Variants in SEMA5A observed in about 807,000 individuals in gnomAD.
The protein encoded by SEMA5A is semaphorin 5A, also known as semaphorin-5A.
Under a neutral mutation model 135.5 loss-of-function variants are expected in SEMA5A, and 55 were observed. That is an observed-to-expected ratio of 0.41 (90% CI 0.33 to 0.51). The LOEUF is 0.51. SEMA5A is among the 20% of genes least tolerant of loss of function. SEMA5A has a pLI of 0.37. For missense variants in SEMA5A, 1,290 were observed against 1,419.9 expected (o/e 0.91, Z 1.47); for synonymous variants, 580 against 546.5 (o/e 1.06, Z -0.85).
chr5:9,289,448 G>A (rs750039007), intron 5 of SEMA5A, among the ~76,000 whole-genome samples: 11 of 151,980 alleles, frequency 7.2e-5, no homozygotes, highest in South Asian at 2.1e-4. Context: ...GGCAGATCGC[G>A]AGGTCAGGAG....
chr5:9,102,238 A>G (rs1305026851), intron 16 of SEMA5A, among the ~76,000 whole-genome samples: 1 of 152,218 alleles, frequency 6.6e-6, no homozygotes, highest in East Asian at 1.9e-4. Flanking sequence ...TTATGATGAA[A>G]GGAAGTGCCA....
chr5:9,166,323 A>G (rs1743606093), intron 11 of SEMA5A, among the ~76,000 whole-genome samples: 1 of 151,992 alleles, frequency 6.6e-6, no homozygotes, highest in Non-Finnish European at 1.5e-5. Context: ...GCCCAGGTTA[A>G]ACTCCAGGCT....
intron 1 of SEMA5A, among the ~76,000 whole-genome samples, chr5:9,448,865 C>T (rs528090139): frequency 6.6e-6 from 1 of 152,322 alleles, no homozygotes; most frequent in South Asian, 2.1e-4. Context: ...GTTTACTTCT[C>T]TGTCTCCTGG....
intron 2 of SEMA5A, among the ~76,000 whole-genome samples, chr5:9,423,392 C>A (rs970065787): frequency 6.6e-6 from 1 of 152,172 alleles, no homozygotes; most frequent in Non-Finnish European, 1.5e-5. Flanking sequence ...TTGACAAGTT[C>A]TTGATCATTG....
intron 3 of SEMA5A, among the ~76,000 whole-genome samples, chr5:9,358,361 G>C (rs1358133572): frequency 6.6e-6 from 1 of 152,170 alleles, no homozygotes; most frequent in African/African-American, 2.4e-5. Context: ...GAGCTCCCTT[G>C]ACTTCCCTTT....
chr5:9,223,934 G>A (rs1201279428), intron 8 of SEMA5A, among the ~76,000 whole-genome samples: 1 of 152,146 alleles, frequency 6.6e-6, no homozygotes, highest in Non-Finnish European at 1.5e-5. Context: ...ACTGAAAGAA[G>A]CCTTCTAAGG....
intron 18 of SEMA5A, among the ~76,000 whole-genome samples, chr5:9,055,223 C>G (rs541319203): frequency 7.8e-4 from 119 of 152,302 alleles, no homozygotes; most frequent in Middle Eastern, 3.4e-3. Context: ...GTTTAGCTAA[C>G]TCCTGACTGT....
intron 8 of SEMA5A, among the ~76,000 whole-genome samples, chr5:9,221,519 G>A (rs56190011): frequency 4.7e-4 from 71 of 151,942 alleles, no homozygotes; most frequent in Admixed American, 9.8e-4. Context: ...AGCCAGGATG[G>A]TCTCGATCTC....
chr5:9,479,355 G>T (rs960080111), intron 1 of SEMA5A, among the ~76,000 whole-genome samples: 1 of 151,162 alleles, frequency 6.6e-6, no homozygotes, highest in African/African-American at 2.4e-5. Flanking sequence ...TGGCACTTCA[G>T]CCTGGGTAAC....
At chr5:9,129,323 T>C (rs1373717341) in intron 13 of SEMA5A, among the ~76,000 whole-genome samples, 1 of 152,278 alleles carries the variant, frequency 6.6e-6, no homozygotes, top group Non-Finnish European at 1.5e-5. Flanking sequence ...AGATTCAGTT[T>C]CTGGCCATGG....
At chr5:9,452,701 A>T (rs193225238) in intron 1 of SEMA5A, among the ~76,000 whole-genome samples, 85 of 152,332 alleles carry the variant, frequency 5.6e-4, no homozygotes, top group Admixed American at 2.0e-3. Flanking sequence ...ACTGAGATGC[A>T]GGTCTAAATT....
rs746290591 is a variant in SEMA5A at position 9,042,894 on chromosome 5, C to CTGTT, written c.3224_*2dup. 1.2e-6 allele frequency: 2 copies of CTGTT among 1,613,786 alleles called. No homozygotes were observed. Among genetic ancestry groups the CTGTT allele is most frequent in the African/African-American group, 1.3e-5 (1 of 74,894 alleles). ...TTACAAGAAGCCAAAAACATGAAAG[C>CTGTT]TGTTAGTACTCATCATAATTATTGA... On this transcript the variant is annotated 3_prime_UTR_variant, in exon 23 of 23. Coordinates refer to ENST00000382496, the MANE Select transcript of SEMA5A (RefSeq NM_003966.3).
chr5:9,539,727 C>A lies in SEMA5A; in HGVS notation c.-175+5857G>T, dbSNP rs74632925. On this transcript the variant is annotated intron_variant, in intron 1 of 22. Transcript: ENST00000382496. ...GGTCATGTCGGTGCTCAGAAAGTTT[C>A]AGATTTTGAAGCATTGTGGAATTGG... Among the ~76,000 whole-genome samples the A allele has an allele frequency of 9.7e-3, 1,478 of 152,222 alleles. 20 individuals are homozygous for A. The highest frequency in any genetic ancestry group is 0.033 in the African/African-American group (1,365 of 41,522).
chr5:9,112,750 G>A (rs142565841), intron 15 of SEMA5A, among the ~76,000 whole-genome samples: 20 of 152,216 alleles, frequency 1.3e-4, no homozygotes, highest in South Asian at 2.1e-4. Flanking sequence ...CACACCTTGC[G>A]TAATCTCCTC....
At chr5:9,529,464 G>A (rs979945218) in intron 1 of SEMA5A, among the ~76,000 whole-genome samples, 13 of 152,238 alleles carry the variant, frequency 8.5e-5, no homozygotes, top group African/African-American at 4.8e-5. Flanking sequence ...CCGGGTATGG[G>A]ACTGTGGCCT....
At chr5:9,110,281 C>T (rs1740167144) in intron 15 of SEMA5A, among the ~76,000 whole-genome samples, 1 of 152,176 alleles carries the variant, frequency 6.6e-6, no homozygotes, top group Non-Finnish European at 1.5e-5. Flanking sequence ...AGACTCATCT[C>T]CAGGAGTTGG....
intron 10 of SEMA5A, among the ~76,000 whole-genome samples, chr5:9,191,593 T>G (rs1745115650): frequency 6.6e-6 from 1 of 151,256 alleles, no homozygotes; most frequent in South Asian, 2.1e-4. Flanking sequence ...AGGTGAGAGG[T>G]GCAAACGTAT....
chr5:9,397,083 T>C (rs1756439774), intron 2 of SEMA5A, among the ~76,000 whole-genome samples: 1 of 150,302 alleles, frequency 6.7e-6, no homozygotes, highest in Non-Finnish European at 1.5e-5. Flanking sequence ...GAAGACAAAA[T>C]AAAATCAGGA....
chr5:9,308,444 G>A (rs1751974728), intron 5 of SEMA5A, among the ~76,000 whole-genome samples: 1 of 152,130 alleles, frequency 6.6e-6, no homozygotes, highest in Admixed American at 6.6e-5. Context: ...ATCGGGTTGA[G>A]GCTATACTCC....
Sources: gnomAD v4.1 joint callset for allele counts (sites outside exome capture counted in the v4.1 genomes callset) on GRCh38, gnomAD v4.1.1 for gene constraint, MANE v1.5 for transcripts, NCBI Gene and HGNC (gene_info 2026-07-23, HGNC 2026-07-21) for gene names.